Variants in USP10 observed in about 807,000 individuals in gnomAD.
USP10 encodes ubiquitin specific peptidase 10.
Under a neutral mutation model 84.5 loss-of-function variants are expected in USP10, and 22 were observed. The ratio of observed to expected loss-of-function variants is 0.26; its 90% confidence interval spans 0.19 to 0.37. USP10 has a LOEUF of 0.37. Among genes scored for constraint, USP10 ranks in the 10% least tolerant of loss-of-function variants. USP10 has a pLI of 1.00. For synonymous variants in USP10, 454 were observed against 387.6 expected (o/e 1.17, Z -2.01); for missense variants, 1,019 against 998.9 (o/e 1.02, Z -0.27).
At chr16:84,720,956 C>T (rs886285162) in intron 1 of USP10, among the ~76,000 whole-genome samples, 54 of 147,422 alleles carry the variant, frequency 3.7e-4, no homozygotes, top group African/African-American at 1.3e-3. Context: ...TGCAGTGGCG[C>T]GATCTCAGCT....
In USP10 at chr16:84,747,261, T is replaced by G. The variant is rs116585406; in HGVS notation, c.1192+1588T>G. Reference sequence around the variant, plus strand: ...TTGGTTTAGGCTTTCTGTAATACTTTCTGATGTGACCTTTTGGAACACCTG... The same window carrying G: ...TTGGTTTAGGCTTTCTGTAATACTTGCTGATGTGACCTTTTGGAACACCTG... On this transcript the variant is annotated intron_variant, in intron 4 of 13. Transcript: ENST00000219473. Among the ~76,000 whole-genome samples the G allele has an allele frequency of 4.3e-3, 661 of 152,302 alleles. 4 individuals are homozygous for G. Among genetic ancestry groups the G allele is most frequent in the African/African-American group, 0.015 (621 of 41,556 alleles).
chr16:84,765,507 A>G (rs527263150), intron 10 of USP10, among the ~76,000 whole-genome samples: 29 of 149,028 alleles, frequency 1.9e-4, no homozygotes, highest in Non-Finnish European at 3.6e-4. Context: ...GATTCCATGT[A>G]TAAGTGAGAC....
intron 4 of USP10, among the ~76,000 whole-genome samples, chr16:84,754,345 G>A (rs527911996): frequency 3.3e-5 from 5 of 152,204 alleles, no homozygotes; most frequent in East Asian, 3.9e-4. Flanking sequence ...TAGGTTGTTC[G>A]TGTCTCTTCT....
intron 4 of USP10, among the ~76,000 whole-genome samples, chr16:84,756,776 C>T (rs1912594367): frequency 6.6e-6 from 1 of 152,186 alleles, no homozygotes; most frequent in Non-Finnish European, 1.5e-5. Context: ...ACCTTTTTAA[C>T]ACTGCAATGA....
In USP10 at chr16:84,744,925, G is replaced by A. The variant is rs1157150579; in HGVS notation, c.444G>A (p.Glu148=). The change falls in exon 4 of 14, where the codon GAG becomes GAA. Residue 148 remains glutamate (E), a synonymous_variant. Coordinates refer to ENST00000219473, the MANE Select transcript of USP10 (RefSeq NM_005153.3). ...DGVSGGLGQR[E]RKKKKKRPPG... Reference sequence around the variant, plus strand: ...TCTCAGGTGGTCTTGGACAAAGGGAGCGTAAAAAGAAGAAAAAGCGGCCAC... The same window carrying A: ...TCTCAGGTGGTCTTGGACAAAGGGAACGTAAAAAGAAGAAAAAGCGGCCAC... 3 of 1,613,652 alleles carry A rather than the reference G, an allele frequency of 1.9e-6. No homozygotes were observed. Among genetic ancestry groups the A allele is most frequent in the Non-Finnish European group, 2.5e-6 (3 of 1,179,736 alleles).
chr16:84,722,843 A>G (rs573595279), intron 1 of USP10, among the ~76,000 whole-genome samples: 1 of 152,354 alleles, frequency 6.6e-6, no homozygotes, highest in African/African-American at 2.4e-5. Flanking sequence ...GGTGTGAGCC[A>G]CTGCGTCCGG....
In USP10 at chr16:84,745,609, G is replaced by A. The variant is rs745745204; in HGVS notation, c.1128G>A (p.Lys376=). The change falls in exon 4 of 14, where the codon AAG becomes AAA. Residue 376 remains lysine (K), a synonymous_variant. Transcript: ENST00000219473. ...CCATATCTCCCCTGGTTTCTGAAAA[G>A]CAGGTTGAAGTCAAAGAAGGGCTTG... The part of the protein sequence containing the change: ...PPAISPLVSE[K]QVEVKEGLVP... 4.2e-5 allele frequency: 68 copies of A among 1,613,548 alleles called. No individual in the cohort carries two copies. In the East Asian group the frequency reaches 1.4e-3, roughly 34 times the overall value.
At chr16:84,763,225 C>T in intron 9 of USP10, 137 bp downstream of exon 9, 1 of 503,666 alleles carries the variant, frequency 2.0e-6, no homozygotes. Context: ...CGATAACTTA[C>T]ACCATCGAGA....
At chr16:84,770,766 CG>C (rs1914355573) in intron 11 of USP10, among the ~76,000 whole-genome samples, 1 of 85,786 alleles carries the variant, frequency 1.2e-5, no homozygotes, top group South Asian at 3.7e-4. Flanking sequence ...AGCGAGACTC[CG>C]TCCCCAAAAA....
In USP10 at chr16:84,744,834, C is replaced by T. The variant is rs1911018018; in HGVS notation, c.353C>T (p.Pro118Leu). The change falls in exon 4 of 14, where the codon CCA becomes CTA. Residue 118 changes from proline (P) to leucine (L), a missense_variant. Physicochemically the swap from Pro to Leu is moderately conservative, Grantham distance 98. This residue lies in a region of USP10 where 787 missense variants were observed against 708.8 expected (regional missense o/e 1.11). Coordinates refer to ENST00000219473, the MANE Select transcript of USP10 (RefSeq NM_005153.3). The part of the protein sequence containing the change: ...ASYGSIDCQY[P>L]GSALALDGSS... Reference sequence around the variant, plus strand: ...TATGGCTCCATCGACTGCCAGTACCCAGGCTCTGCCCTCGCTTTGGATGGA... The same window carrying T: ...TATGGCTCCATCGACTGCCAGTACCTAGGCTCTGCCCTCGCTTTGGATGGA... 3 of 1,613,792 alleles carry T rather than the reference C, an allele frequency of 1.9e-6. No homozygotes were observed. In the East Asian group the frequency reaches 6.7e-5, roughly 36 times the overall value.
Position 84,775,625 on chromosome 16 carries a change from C to T in USP10, c.2209+400C>T, listed in dbSNP as rs574850354. ...GGTGAGCGCGCCCCCAGCCGGTGAT[C>T]CCTGCGTCCTCCCCCACAGGTATTG... On this transcript the variant is annotated intron_variant, in intron 13 of 13. Coordinates refer to ENST00000219473, the MANE Select transcript of USP10 (RefSeq NM_005153.3). Among the ~76,000 whole-genome samples, 3 of 152,290 alleles carry T rather than the reference C, an allele frequency of 2.0e-5. No individual in the cohort carries two copies. In the South Asian group the frequency reaches 6.2e-4, roughly 32 times the overall value.
chr16:84,763,232 G>T (rs1159568683), intron 9 of USP10, 144 bp downstream of exon 9: 2 of 491,436 alleles, frequency 4.1e-6, no homozygotes, highest in African/African-American at 1.9e-5. Context: ...TTACACCATC[G>T]AGAAGGTTAT....
intron 2 of USP10, among the ~76,000 whole-genome samples, chr16:84,738,396 A>T (rs1910203951): frequency 6.6e-6 from 1 of 152,190 alleles, no homozygotes; most frequent in Non-Finnish European, 1.5e-5. Context: ...CATTAACAGA[A>T]AAAGAGGGCA....
chr16:84,776,153 A>G (rs1914990141), intron 13 of USP10, among the ~76,000 whole-genome samples: 2 of 152,238 alleles, frequency 1.3e-5, no homozygotes, highest in African/African-American at 2.4e-5. Context: ...TTATAAAAGA[A>G]TAAACCAGAA....
At chr16:84,718,583 C>G (rs1597292684) in intron 1 of USP10, among the ~76,000 whole-genome samples, 1 of 151,978 alleles carries the variant, frequency 6.6e-6, no homozygotes, top group Admixed American at 6.6e-5. Flanking sequence ...TGGTAAAACC[C>G]TGTCCCTACT....
At chr16:84,700,598 C>G (rs1236133152) in intron 1 of USP10, among the ~76,000 whole-genome samples, 1 of 152,164 alleles carries the variant, frequency 6.6e-6, no homozygotes, top group African/African-American at 2.4e-5. Context: ...CTTCCTTTCT[C>G]AGCTTGATTG....
intron 11 of USP10, among the ~76,000 whole-genome samples, chr16:84,768,761 A>G (rs1251520027): frequency 1.3e-5 from 2 of 152,192 alleles, no homozygotes; most frequent in Non-Finnish European, 2.9e-5. Context: ...TCTGTTTTGC[A>G]TTTGATTGTA....
intron 2 of USP10, among the ~76,000 whole-genome samples, chr16:84,737,268 C>T (rs1377523341): frequency 6.6e-6 from 1 of 152,232 alleles, no homozygotes; most frequent in Non-Finnish European, 1.5e-5. Flanking sequence ...GTGCGTTTAG[C>T]ATAACTATTA....
chr16:84,732,639 G>A (rs1909390516), intron 1 of USP10: 1 of 303,846 alleles, frequency 3.3e-6, no homozygotes, highest in Non-Finnish European at 6.4e-6. Flanking sequence ...TAAAGATGGG[G>A]GTTTCACCAT....
Sources: gnomAD v4.1 joint callset for allele counts (sites outside exome capture counted in the v4.1 genomes callset) on GRCh38, gnomAD v4.1.1 for gene constraint, gnomAD v4.1.1 regional missense constraint, MANE v1.5 for transcripts, NCBI Gene and HGNC (gene_info 2026-07-23, HGNC 2026-07-21) for gene names.